Variants in AOAH observed in about 807,000 individuals in gnomAD.
The protein encoded by AOAH is acyloxyacyl hydrolase (neutrophil).
AOAH carries 64 observed loss-of-function variants against 92.2 expected under a neutral mutation model. The observed-to-expected ratio is 0.69, with a 90% CI of 0.57 to 0.86. The LOEUF is 0.86. Among genes scored for constraint, AOAH ranks in the 40% least tolerant of loss-of-function variants. The probability of loss-of-function intolerance (pLI) is 0.00; values close to 1 mark genes in which losing one functional copy is unlikely to be tolerated. For missense variants in AOAH, 656 were observed against 694.6 expected, an observed-to-expected ratio of 0.94 and a Z score of 0.62; for synonymous variants, 263 against 254.5, an observed-to-expected ratio of 1.03 and a Z score of -0.32.
chr7:36,515,130 A>C (rs73338529), intron 20 of AOAH, among the ~76,000 whole-genome samples: 2,899 of 115,910 alleles, frequency 0.025, 88 homozygotes, highest in African/African-American at 0.09. Context: ...ACACACCCCC[A>C]CACACACACC....
chr7:36,680,312 C>G (rs1186120060), intron 2 of AOAH, among the ~76,000 whole-genome samples: 1 of 152,210 alleles, frequency 6.6e-6, no homozygotes, highest in Non-Finnish European at 1.5e-5. Flanking sequence ...TTATAGGGCA[C>G]AGGGAAAGGC....
At chr7:36,606,791 T>A (rs1053143865) in intron 11 of AOAH, among the ~76,000 whole-genome samples, 60 of 148,478 alleles carry the variant, frequency 4.0e-4, no homozygotes, top group Non-Finnish European at 3.2e-4. Flanking sequence ...CATGAAAGTG[T>A]TTTTGGATTT....
At chr7:36,553,380 C>G (rs201902510) in intron 13 of AOAH, among the ~76,000 whole-genome samples, 8,701 of 151,744 alleles carry the variant, frequency 0.057, 290 homozygotes, top group East Asian at 0.15. Context: ...TTAATCCAGT[C>G]TATCATTGTT....
intron 1 of AOAH, among the ~76,000 whole-genome samples, chr7:36,701,876 A>G (rs1798056295): frequency 6.6e-6 from 1 of 151,982 alleles, no homozygotes. Flanking sequence ...TTTGTGGGAA[A>G]CAAGTATTTT....
At chr7:36,588,282 G>GGCTACATAGTGGAAAGCCTTAGTATT (rs1463389574) in intron 12 of AOAH, among the ~76,000 whole-genome samples, 5 of 152,074 alleles carry the variant, frequency 3.3e-5, no homozygotes, top group Non-Finnish European at 7.4e-5. Context: ...CTGTACCAAT[G>GGCTACATAGTGGAAAGCCTTAGTATT]GCTACATAGT....
At chr7:36,613,703 T>C (rs1791650536) in intron 11 of AOAH, among the ~76,000 whole-genome samples, 1 of 152,218 alleles carries the variant, frequency 6.6e-6, no homozygotes, top group Non-Finnish European at 1.5e-5. Context: ...GCCACTGTAT[T>C]TTTAGATCAG....
At chr7:36,585,836 A>C (rs1298523354) in intron 12 of AOAH, among the ~76,000 whole-genome samples, 2 of 152,192 alleles carry the variant, frequency 1.3e-5, no homozygotes, top group African/African-American at 4.8e-5. Context: ...AAAGGGAGTA[A>C]AACTGGGGAC....
At chr7:36,571,955 G>A (rs375476558) in intron 13 of AOAH, among the ~76,000 whole-genome samples, 4 of 152,078 alleles carry the variant, frequency 2.6e-5, no homozygotes, top group African/African-American at 9.7e-5. Context: ...TAGACCAGTA[G>A]GGCAACTGTA....
At position 36,593,443 on chromosome 7, in the gene AOAH, C is replaced by A. The variant is rs552923989; in HGVS notation, c.938+896G>T. Among the ~76,000 whole-genome samples, 6 of 152,324 alleles carry A rather than the reference C, an allele frequency of 3.9e-5. No individual in the cohort carries two copies. The East Asian group carries it at 1.2e-3, about 29-fold the overall frequency. Reference sequence around the variant, plus strand: ...GTAAATCACACCCCATGCACACTTGCCCTCCTCACAGTTCTCATGGCTTAT... The same window carrying A: ...GTAAATCACACCCCATGCACACTTGACCTCCTCACAGTTCTCATGGCTTAT... On this transcript the variant is annotated intron_variant, in intron 12 of 20. Coordinates refer to ENST00000617537, the MANE Select transcript of AOAH (RefSeq NM_001637.4).
chr7:36,667,365 G>A (rs564030018), intron 3 of AOAH, among the ~76,000 whole-genome samples: 7 of 152,224 alleles, frequency 4.6e-5, no homozygotes, highest in South Asian at 2.1e-4. Flanking sequence ...CTCAGTTACC[G>A]GATTGATTGT....
At chr7:36,602,301 T>C (rs541077541) in intron 11 of AOAH, among the ~76,000 whole-genome samples, 1 of 152,308 alleles carries the variant, frequency 6.6e-6, no homozygotes, top group East Asian at 1.9e-4. Flanking sequence ...TTTCCTTTTC[T>C]ATTATTTATT....
chr7:36,637,391 A>G (rs1193984544), intron 5 of AOAH, among the ~76,000 whole-genome samples: 1 of 152,116 alleles, frequency 6.6e-6, no homozygotes, highest in African/African-American at 2.4e-5. Flanking sequence ...CATTTTTAGA[A>G]AGTGGAGAAG....
At chr7:36,577,330 C>T (rs1788584985) in intron 12 of AOAH, among the ~76,000 whole-genome samples, 1 of 152,096 alleles carries the variant, frequency 6.6e-6, no homozygotes, top group South Asian at 2.1e-4. Context: ...TACCCTTTCT[C>T]CAGTCTCCTG....
intron 11 of AOAH, among the ~76,000 whole-genome samples, chr7:36,602,580 A>G (rs1210926097): frequency 2.0e-5 from 3 of 151,864 alleles, no homozygotes; most frequent in South Asian, 2.1e-4. Flanking sequence ...CATTGAAACA[A>G]ATTCTTCCAC....
chr7:36,671,034 T>C (rs1795891788), intron 3 of AOAH, among the ~76,000 whole-genome samples: 1 of 152,210 alleles, frequency 6.6e-6, no homozygotes. Flanking sequence ...GACATTTGCA[T>C]GTATTGCCCC....
chr7:36,712,705 C>A (rs187190088), intron 1 of AOAH, among the ~76,000 whole-genome samples: 137 of 152,184 alleles, frequency 9.0e-4, no homozygotes, highest in Admixed American at 4.3e-3. Context: ...GAATTTTCAG[C>A]CCAGAATTTC....
At chr7:36,517,156 G>GTCTTTCTTTCTTTCTTTCTTTCTTTCTT (rs1554360832) in intron 20 of AOAH, among the ~76,000 whole-genome samples, 8 of 95,496 alleles carry the variant, frequency 8.4e-5, no homozygotes, top group African/African-American at 3.3e-4. Flanking sequence ...ATCCATGTTA[G>GTCTTTCTTTCTTTCTTTCTTTCTTTCTT]TCTTTCTTTC....
At chr7:36,517,214 C>CTTTCTTTTTCTT (rs59205788) in intron 20 of AOAH, among the ~76,000 whole-genome samples, 2 of 104,830 alleles carry the variant, frequency 1.9e-5, no homozygotes, top group East Asian at 2.6e-4. Context: ...TTCTTTCTTT[C>CTTTCTTTTTCTT]TCTTTCTTTC....
chr7:36,644,949 C>A (rs78200585), intron 4 of AOAH, among the ~76,000 whole-genome samples: 34 of 152,054 alleles, frequency 2.2e-4, no homozygotes, highest in Middle Eastern at 3.4e-3. Flanking sequence ...GCTCATCTAC[C>A]CCAGATCTTT....
Sources: allele counts gnomAD v4.1 joint callset (sites outside exome capture counted in the v4.1 genomes callset), GRCh38; gene constraint gnomAD v4.1.1; transcripts MANE v1.5; gene names NCBI Gene and HGNC (gene_info 2026-07-23, HGNC 2026-07-21).